Variants in EYS observed in about 807,000 individuals in gnomAD.
EYS encodes EGF-like photoreceptor maintenance factor.
In EYS, 250 loss-of-function variants were observed where a neutral mutation model predicts 282.1. The observed-to-expected ratio is 0.89, with a 90% CI of 0.80 to 0.98. The LOEUF (loss-of-function observed/expected upper bound fraction) is 0.98. Among genes scored for constraint, EYS ranks in the 50% least tolerant of loss-of-function variants. The pLI, the probability that EYS is intolerant of heterozygous loss-of-function variation, is 0.00. For synonymous variants in EYS, 1,355 were observed against 1,282.9 expected, an observed-to-expected ratio of 1.06 and a Z score of -1.20; for missense variants, 4,016 against 3,709.0, an observed-to-expected ratio of 1.08 and a Z score of -2.15.
chr6:65,292,529 G>C (rs1768555019), intron 12 of EYS, among the ~76,000 whole-genome samples: 1 of 151,732 alleles, frequency 6.6e-6, no homozygotes, highest in African/African-American at 2.4e-5. Flanking sequence ...GAGTGTTCTA[G>C]AAGTACGAAG....
At chr6:65,414,709 G>A (rs931618492) in intron 5 of EYS, among the ~76,000 whole-genome samples, 2 of 152,044 alleles carry the variant, frequency 1.3e-5, no homozygotes, top group African/African-American at 4.8e-5. Context: ...ACACATCCAA[G>A]TGAGGTTGGT....
In EYS at chr6:64,995,939, G is replaced by A. The variant is rs532939397; in HGVS notation, c.2259+1643C>T. Among the ~76,000 whole-genome samples the A allele has an allele frequency of 8.1e-4, 124 of 152,194 alleles. 2 individuals carry two copies. Among genetic ancestry groups the A allele is most frequent in the Non-Finnish European group, 3.7e-4 (25 of 67,988 alleles). The stretch of plus-strand genomic sequence containing the variant: ...CTTAATGTCCCACAGAATATCTGTG[G>A]CAGTGTCAGGTCTGAAAGTGGAATC... On this transcript the variant is annotated intron_variant, in intron 14 of 42. Transcript: ENST00000503581.
At chr6:63,827,866 A>AAAAAAAAT (rs1554175916) in intron 36 of EYS, among the ~76,000 whole-genome samples, 1 of 148,408 alleles carries the variant, frequency 6.7e-6, no homozygotes, top group African/African-American at 2.5e-5. Context: ...AAAAAAAAAA[A>AAAAAAAAT]AAAAAGAAAT....
chr6:64,658,225 C>G (rs1768833398), intron 22 of EYS, among the ~76,000 whole-genome samples: 1 of 152,166 alleles, frequency 6.6e-6, no homozygotes, highest in Non-Finnish European at 1.5e-5. Flanking sequence ...AAGGACTTCT[C>G]TGCATTGATT....
intron 14 of EYS, among the ~76,000 whole-genome samples, chr6:64,997,231 C>A (rs1344614108): frequency 6.6e-6 from 1 of 152,050 alleles, no homozygotes; most frequent in Non-Finnish European, 1.5e-5. Context: ...GAATGTAATA[C>A]CATGAGTTAG....
At chr6:64,292,811 T>G (rs201395037) in intron 30 of EYS, among the ~76,000 whole-genome samples, 1 of 152,120 alleles carries the variant, frequency 6.6e-6, no homozygotes, top group East Asian at 1.9e-4. Flanking sequence ...ATATATGCTA[T>G]GTATTTGGCC....
Position 64,591,484 on chromosome 6 carries a change from G to A in EYS, c.4383C>T (p.Val1461=). ...CAATATCCTCTTGAGCCCCCCTAGA[G>A]ACAACTGGAGTTGCACTTATGGAGG... ...IAASISATPV[V]SRGAQEDIEE... The change falls in exon 26 of 43, where the codon GTC becomes GTT. Residue 1461 remains valine, a synonymous_variant. Transcript: ENST00000503581. 2.6e-6 allele frequency: 4 copies of A among 1,551,310 alleles called. No homozygotes were observed. The highest frequency in any genetic ancestry group is 1.4e-5 in the African/African-American group (1 of 73,120).
At chr6:65,127,055 G>A (rs1353623293) in intron 12 of EYS, among the ~76,000 whole-genome samples, 1 of 152,126 alleles carries the variant, frequency 6.6e-6, no homozygotes, top group Non-Finnish European at 1.5e-5. Flanking sequence ...GGAAGCTTGC[G>A]ACAATGAAAA....
At chr6:64,112,292 G>A (rs1773228452) in intron 31 of EYS, among the ~76,000 whole-genome samples, 1 of 151,952 alleles carries the variant, frequency 6.6e-6, no homozygotes, top group African/African-American at 2.4e-5. Flanking sequence ...TGGACTCCAT[G>A]CATTTTTTTC....
chr6:65,481,104 G>A (rs985595437), intron 5 of EYS, among the ~76,000 whole-genome samples: 2 of 152,038 alleles, frequency 1.3e-5, no homozygotes, highest in African/African-American at 4.8e-5. Context: ...AAGCTAGAAG[G>A]GAGTATTCTG....
intron 5 of EYS, among the ~76,000 whole-genome samples, chr6:65,484,011 G>T (rs1765699622): frequency 6.6e-6 from 1 of 152,060 alleles, no homozygotes; most frequent in African/African-American, 2.4e-5. Context: ...GGGAATTCAA[G>T]ATGAGATTTG....
At chr6:65,164,834 C>T (rs369910544) in intron 12 of EYS, among the ~76,000 whole-genome samples, 1 of 151,220 alleles carries the variant, frequency 6.6e-6, no homozygotes, top group Non-Finnish European at 1.5e-5. Context: ...TCTCGATGTA[C>T]AACCCCAGTC....
chr6:64,085,340 G>GCGCGCGCACACACACACA (rs112388321), intron 31 of EYS, among the ~76,000 whole-genome samples: 26 of 139,814 alleles, frequency 1.9e-4, no homozygotes, highest in Admixed American at 5.6e-4. Flanking sequence ...ACGTGCGCGC[G>GCGCGCGCACACACACACA]CACACACACA....
In EYS at chr6:64,890,054, C is replaced by G. The variant is rs910596474; in HGVS notation, c.2847-3212G>C. The stretch of plus-strand genomic sequence containing the variant: ...GTATAGGCCTATAAATGCCCCCCCC[C>G]CCCAAGGTGTGCCCATCTCTTATGG... On this transcript the variant is annotated intron_variant, in intron 18 of 42. Coordinates refer to ENST00000503581, the MANE Select transcript of EYS (RefSeq NM_001142800.2). Among the ~76,000 whole-genome samples the G allele has an allele frequency of 4.7e-4, 71 of 150,310 alleles. 1 individual carries two copies. The highest frequency in any genetic ancestry group is 8.7e-4 in the Non-Finnish European group (59 of 67,612).
At chr6:64,461,537 G>A (rs1775747547) in intron 26 of EYS, among the ~76,000 whole-genome samples, 1 of 152,104 alleles carries the variant, frequency 6.6e-6, no homozygotes, top group Non-Finnish European at 1.5e-5. Flanking sequence ...GGAAGATTGA[G>A]GAACAAGTAC....
chr6:65,322,948 A>G (rs530251771), intron 11 of EYS, among the ~76,000 whole-genome samples: 84 of 151,906 alleles, frequency 5.5e-4, no homozygotes, highest in African/African-American at 1.9e-3. Flanking sequence ...TTAAATAACT[A>G]CTTGATGTGT....
chr6:64,199,758 G>A (rs997839540), intron 31 of EYS, among the ~76,000 whole-genome samples: 1 of 151,938 alleles, frequency 6.6e-6, no homozygotes, highest in Non-Finnish European at 1.5e-5. Flanking sequence ...ATGAGCAAAG[G>A]ATATATGAAT....
intron 31 of EYS, among the ~76,000 whole-genome samples, chr6:64,088,957 G>T (rs1772257740): frequency 6.6e-6 from 1 of 151,784 alleles, no homozygotes; most frequent in African/African-American, 2.4e-5. Context: ...TATACAAGTT[G>T]ATTGTATTTC....
At chr6:64,614,251 T>C (rs945679138) in intron 24 of EYS, among the ~76,000 whole-genome samples, 1 of 152,106 alleles carries the variant, frequency 6.6e-6, no homozygotes, top group East Asian at 1.9e-4. Context: ...AATTTTGACC[T>C]CTGACACCTA....
Sources: gnomAD v4.1 joint callset for allele counts (sites outside exome capture counted in the v4.1 genomes callset) on GRCh38, gnomAD v4.1.1 for gene constraint, MANE v1.5 for transcripts, NCBI Gene and HGNC (gene_info 2026-07-23, HGNC 2026-07-21) for gene names.